The following CASK variants were observed in gnomAD, a reference collection of about 807,000 sequenced individuals.
The protein encoded by CASK is peripheral plasma membrane protein CASK.
Under a neutral mutation model 82.9 loss-of-function variants are expected in CASK, and 4 were observed. The observed-to-expected ratio is 0.05, with a 90% CI of 0.02 to 0.11. The LOEUF is 0.11. CASK is among the 10% of genes least tolerant of loss of function. The probability of loss-of-function intolerance (pLI) is 1.00; values close to 1 mark genes in which losing one functional copy is unlikely to be tolerated. For missense variants in CASK, 358 were observed against 720.9 expected (o/e 0.50, Z 5.76); for synonymous variants, 259 against 253.5 (o/e 1.02, Z -0.20).
intron 2 of CASK, among the ~76,000 whole-genome samples, chrX:41,810,019 C>T (rs1471037992): frequency 8.1e-5 from 9 of 111,119 alleles, no homozygotes; most frequent in Admixed American, 1.9e-4. Flanking sequence ...TGAAATGAAG[C>T]GAGAAGAGAA....
intron 2 of CASK, among the ~76,000 whole-genome samples, chrX:41,837,453 T>C (rs1278908507): frequency 8.9e-6 from 1 of 111,830 alleles, no homozygotes; most frequent in Non-Finnish European, 1.9e-5. Context: ...CCCCAAGTGC[T>C]AACCCTTTCT....
chrX:41,741,517 C>A (rs1205694190), intron 4 of CASK, among the ~76,000 whole-genome samples: 1 of 111,850 alleles, frequency 8.9e-6, no homozygotes, highest in Non-Finnish European at 1.9e-5. Context: ...CCTAAATTAT[C>A]TTTAACCTAA....
intron 1 of CASK, among the ~76,000 whole-genome samples, chrX:41,866,528 T>C (rs2071594814): frequency 8.9e-6 from 1 of 112,310 alleles, no homozygotes; most frequent in South Asian, 3.7e-4. Flanking sequence ...TGCTGTCAGT[T>C]GAATAATTTC....
At chrX:41,853,076 G>T in intron 2 of CASK, 39 bp downstream of exon 2, 1 of 926,500 alleles carries the variant, frequency 1.1e-6, no homozygotes, top group Non-Finnish European at 1.6e-6. Flanking sequence ...ATGGAATAAA[G>T]CCAGACATCA....
Position 41,589,967 on chromosome X carries a change from C to T in CASK, c.1156-375G>A, listed in dbSNP as rs150653173. The T allele has an allele frequency of 1.8e-3, 302 of 163,736 alleles. 2 individuals are homozygous for T. The highest frequency in any genetic ancestry group is 8.5e-3 in the African/African-American group (276 of 32,322). 13.5% of individuals were successfully genotyped at this position (163,736 alleles called of 1,213,427 possible). On this transcript the variant is annotated intron_variant, in intron 12 of 26. Transcript: ENST00000378163. ...GCTTTCTGGCCAAGGCACGTCTACA[C>T]GGAGTAAAATGAAAGAATGCTTTCT...
At chrX:41,737,499 T>G (rs2068518128) in intron 5 of CASK, among the ~76,000 whole-genome samples, 1 of 112,109 alleles carries the variant, frequency 8.9e-6, no homozygotes, top group African/African-American at 3.2e-5. Context: ...CCAAGCACAG[T>G]AATCTGTATA....
At chrX:41,803,871 AC>A (rs1009789186) in intron 2 of CASK, among the ~76,000 whole-genome samples, 2 of 102,232 alleles carry the variant, frequency 2.0e-5, no homozygotes, top group African/African-American at 3.3e-5. Flanking sequence ...TACAGAAGAA[AC>A]AGCAAAAATG....
intron 5 of CASK, chrX:41,689,073 C>A (rs911861470): frequency 9.0e-6 from 1 of 111,635 alleles, no homozygotes; most frequent in African/African-American, 3.3e-5. Context: ...TTACTTCAGG[C>A]GAACCTGAAC....
rs558649747 is a variant in CASK, at chrX:41,517,542, A to T, written c.*2878T>A. 3.1e-6 allele frequency: 1 copy of T among 322,771 alleles called. No individual in the cohort carries two copies. Among genetic ancestry groups the T allele is most frequent in the South Asian group, 5.7e-5 (1 of 17,397 alleles). The allele number at this position is 322,771 out of a possible 1,213,427, so 26.6% of individuals were successfully genotyped here. On this transcript the variant is annotated 3_prime_UTR_variant, in exon 27 of 27. Coordinates refer to ENST00000378163, the MANE Select transcript of CASK (RefSeq NM_001367721.1). Reference sequence around the variant, plus strand: ...TTAACAAAGAATTCAACATATAAAAACACTCCCTTTCTTGCTGTGGGGAAT... The same window carrying T: ...TTAACAAAGAATTCAACATATAAAATCACTCCCTTTCTTGCTGTGGGGAAT...
intron 5 of CASK, among the ~76,000 whole-genome samples, chrX:41,716,107 G>A (rs935100807): frequency 1.3e-4 from 15 of 112,576 alleles, no homozygotes; most frequent in African/African-American, 4.2e-4. Flanking sequence ...AGCCCATAAT[G>A]TTCCAGCAGT....
chrX:41,559,506 T>C (rs1328322515), intron 18 of CASK: 1 of 340,633 alleles, frequency 2.9e-6, no homozygotes, highest in African/African-American at 2.6e-5. Context: ...GTTTTTTCCT[T>C]ATTAAGCCTT....
At chrX:41,562,210 A>ACGGCGACCACCG in intron 16 of CASK, 1 of 113,767 alleles carries the variant, frequency 8.8e-6, no homozygotes, top group Non-Finnish European at 1.9e-5. Context: ...GTGACATGAT[A>ACGGCGACCACCG]ATATCTACAC....
chrX:41,683,074 T>C (rs1018314233), intron 5 of CASK: 2 of 111,910 alleles, frequency 1.8e-5, no homozygotes, highest in Admixed American at 9.5e-5. Context: ...TCAATACTTT[T>C]CTGAATGGCA....
chrX:41,566,999 A>G (rs1195118494), intron 16 of CASK, among the ~76,000 whole-genome samples: 2 of 112,435 alleles, frequency 1.8e-5, no homozygotes, highest in Non-Finnish European at 3.8e-5. Flanking sequence ...AGGATTCTCT[A>G]TTTAATAAAT....
intron 1 of CASK, among the ~76,000 whole-genome samples, chrX:41,916,665 G>A (rs1011838348): frequency 8.9e-6 from 1 of 111,782 alleles, no homozygotes; most frequent in Admixed American, 9.5e-5. Context: ...CTCACTACAC[G>A]GTTTTCAGAA....
intron 5 of CASK, among the ~76,000 whole-genome samples, chrX:41,726,250 G>C (rs775184031): frequency 2.4e-4 from 27 of 112,722 alleles, no homozygotes; most frequent in African/African-American, 7.7e-4. Flanking sequence ...ACATCTGGCT[G>C]TAACTACAGT....
chrX:41,920,642 G>A (rs2072765962), intron 1 of CASK, among the ~76,000 whole-genome samples: 1 of 111,329 alleles, frequency 9.0e-6, no homozygotes, highest in South Asian at 3.8e-4. Context: ...CAGAAAAGAT[G>A]AATTTTTTTC....
intron 2 of CASK, among the ~76,000 whole-genome samples, chrX:41,852,028 C>A (rs2071276426): frequency 9.0e-6 from 1 of 111,291 alleles, no homozygotes; most frequent in African/African-American, 3.3e-5. Context: ...ATAGCCAATT[C>A]TAGAGCATAA....
At chrX:41,695,281 G>A (rs941080852) in intron 5 of CASK, among the ~76,000 whole-genome samples, 1 of 106,983 alleles carries the variant, frequency 9.3e-6, no homozygotes, top group African/African-American at 3.4e-5. Context: ...CGCAATGTCT[G>A]AAAATAAATC....
Sources: allele counts gnomAD v4.1 joint callset (sites outside exome capture counted in the v4.1 genomes callset), GRCh38; gene constraint gnomAD v4.1.1; transcripts MANE v1.5; gene names NCBI Gene and HGNC (gene_info 2026-07-23, HGNC 2026-07-21).